ADGB: variants seen among roughly 807,000 people sequenced by gnomAD.
ADGB encodes the protein androglobin, also known as calpain-7-like protein.
Under a neutral mutation model 210.5 loss-of-function variants are expected in ADGB, and 172 were observed. The observed-to-expected ratio is 0.82, with a 90% CI of 0.72 to 0.93. ADGB has a LOEUF of 0.93. Among genes scored for constraint, ADGB ranks in the 40% least tolerant of loss-of-function variants. The pLI, the probability that ADGB is intolerant of heterozygous loss-of-function variation, is 0.00. For missense variants in ADGB, 2,025 were observed against 1,964.8 expected (o/e 1.03, Z -0.58); for synonymous variants, 658 against 662.7 (o/e 0.99, Z 0.11).
intron 7 of ADGB, among the ~76,000 whole-genome samples, chr6:146,667,718 C>T (rs751586324): frequency 2.0e-5 from 3 of 151,980 alleles, no homozygotes; most frequent in Non-Finnish European, 4.4e-5. Context: ...AATATAGAAA[C>T]ATAACAGCAA....
intron 16 of ADGB, among the ~76,000 whole-genome samples, chr6:146,720,804 G>A (rs1306149482): frequency 6.6e-6 from 1 of 152,110 alleles, no homozygotes; most frequent in Non-Finnish European, 1.5e-5. Flanking sequence ...CGCTAGAAAA[G>A]CAAGGGACAA....
chr6:146,641,940 A>G (rs892631076), intron 2 of ADGB, among the ~76,000 whole-genome samples: 1 of 152,188 alleles, frequency 6.6e-6, no homozygotes, highest in East Asian at 1.9e-4. Context: ...TGCACAGCAA[A>G]AGAAACTATC....
intron 35 of ADGB, among the ~76,000 whole-genome samples, chr6:146,804,363 G>A (rs982675789): frequency 1.3e-5 from 2 of 152,130 alleles, no homozygotes; most frequent in African/African-American, 4.8e-5. Flanking sequence ...AATGGCTCAT[G>A]TGATGAATGT....
chr6:146,600,953 CACACA>C, intron 1 of ADGB, among the ~76,000 whole-genome samples: 1 of 150,890 alleles, frequency 6.6e-6, no homozygotes, highest in Non-Finnish European at 1.5e-5. Flanking sequence ...CACACACACA[CACACA>C]CACACACAAA....
chr6:146,604,802 A>T (rs1248385362), intron 1 of ADGB, among the ~76,000 whole-genome samples: 5 of 152,150 alleles, frequency 3.3e-5, no homozygotes, highest in African/African-American at 1.2e-4. Flanking sequence ...GCCACACTTG[A>T]CAGGAGAAAC....
intron 11 of ADGB, among the ~76,000 whole-genome samples, chr6:146,692,598 C>T (rs1027796868): frequency 3.3e-5 from 5 of 152,162 alleles, no homozygotes. Context: ...ACTTGTTTCA[C>T]ATAATCTGGA....
At chr6:146,755,824 C>G (rs1777398609) in intron 27 of ADGB, among the ~76,000 whole-genome samples, 1 of 152,060 alleles carries the variant, frequency 6.6e-6, no homozygotes, top group Admixed American at 6.6e-5. Context: ...TAATCAGCAC[C>G]CTTCCTGAAC....
intron 5 of ADGB, 29 bp from the exon 6 acceptor site, chr6:146,664,172 G>A: frequency 1.3e-6 from 2 of 1,531,418 alleles, no homozygotes; most frequent in Non-Finnish European, 8.8e-7. Flanking sequence ...GCCATTGATG[G>A]TATTACATTT....
intron 8 of ADGB, 143 bp downstream of exon 8, chr6:146,672,610 C>A: frequency 1.1e-6 from 1 of 949,546 alleles, no homozygotes; most frequent in Non-Finnish European, 1.5e-6. Flanking sequence ...GTAGGGAATT[C>A]AAGGCAGGTC....
At chr6:146,724,066 A>G in intron 17 of ADGB, 120 bp from the exon 18 acceptor site, 1 of 807,496 alleles carries the variant, frequency 1.2e-6, no homozygotes. Context: ...ACATTTTAGT[A>G]ATATTTCTAA....
chr6:146,762,794 T>C (rs1777513872), intron 27 of ADGB, among the ~76,000 whole-genome samples: 1 of 152,156 alleles, frequency 6.6e-6, no homozygotes, highest in African/African-American at 2.4e-5. Flanking sequence ...CTGAATGCTC[T>C]GCATATTCAC....
intron 35 of ADGB, chr6:146,807,400 A>G (rs575765511): frequency 6.4e-7 from 1 of 1,550,616 alleles, no homozygotes; most frequent in South Asian, 1.2e-5. Context: ...GCTTTGGAAC[A>G]GGACTCCTTA....
intron 10 of ADGB, among the ~76,000 whole-genome samples, chr6:146,686,680 T>G (rs1182011573): frequency 1.3e-5 from 2 of 152,130 alleles, no homozygotes; most frequent in Non-Finnish European, 2.9e-5. Context: ...GTCCATCAAG[T>G]TATTAACAAT....
At chr6:146,645,576 A>G (rs1775597724) in intron 3 of ADGB, among the ~76,000 whole-genome samples, 1 of 152,048 alleles carries the variant, frequency 6.6e-6, no homozygotes. Context: ...TAAATTATTT[A>G]GAAGTAGTCA....
intron 35 of ADGB, among the ~76,000 whole-genome samples, chr6:146,809,529 A>G (rs1778269828): frequency 6.6e-6 from 1 of 152,056 alleles, no homozygotes; most frequent in Admixed American, 6.5e-5. Context: ...TTTTGTAGAG[A>G]CGGGGTTTCA....
chr6:146,772,013 T>C (rs181918493), intron 29 of ADGB, among the ~76,000 whole-genome samples: 10 of 152,340 alleles, frequency 6.6e-5, no homozygotes, highest in African/African-American at 2.4e-4. Flanking sequence ...TTCTGTATTA[T>C]AATAGCGTGT....
intron 27 of ADGB, among the ~76,000 whole-genome samples, chr6:146,753,486 CTGA>C (rs1777356979): frequency 1.3e-5 from 2 of 151,950 alleles, no homozygotes; most frequent in South Asian, 4.1e-4. Context: ...GGTTAAATAA[CTGA>C]TGATGACGTA....
At chr6:146,755,382 G>A (rs1271360020) in intron 27 of ADGB, among the ~76,000 whole-genome samples, 1 of 152,064 alleles carries the variant, frequency 6.6e-6, no homozygotes, top group Non-Finnish European at 1.5e-5. Flanking sequence ...GACCTCGTGG[G>A]AGGTGATTAG....
intron 23 of ADGB, 71 bp from the exon 24 acceptor site, chr6:146,740,388 C>T (rs1777147606): frequency 3.0e-6 from 4 of 1,311,902 alleles, no homozygotes; most frequent in Admixed American, 2.7e-5. Flanking sequence ...TTTGTCATTT[C>T]TTTTTGTAAA....
Sources: gnomAD v4.1 joint callset for allele counts (sites outside exome capture counted in the v4.1 genomes callset) on GRCh38, gnomAD v4.1.1 for gene constraint, MANE v1.5 for transcripts, NCBI Gene and HGNC (gene_info 2026-07-23, HGNC 2026-07-21) for gene names.